KDM4B: variants seen among roughly 807,000 people sequenced by gnomAD.
The protein encoded by KDM4B is lysine demethylase 4B, also known as lysine-specific demethylase 4B.
In KDM4B, 32 loss-of-function variants were observed where a neutral mutation model predicts 125.2. That is an observed-to-expected ratio of 0.26 (90% CI 0.19 to 0.34). KDM4B has a LOEUF of 0.34. Ranked by LOEUF, KDM4B falls within the 10% of genes least tolerant of loss-of-function variation. The probability of loss-of-function intolerance (pLI) is 1.00; values close to 1 mark genes in which losing one functional copy is unlikely to be tolerated. For missense variants in KDM4B, 1,190 were observed against 1,577.7 expected (o/e 0.75, Z 4.16); for synonymous variants, 721 against 677.9 (o/e 1.06, Z -0.99).
intron 2 of KDM4B, among the ~76,000 whole-genome samples, chr19:5,025,912 T>TTC (rs1422274238): frequency 3.9e-5 from 6 of 152,056 alleles, no homozygotes; most frequent in African/African-American, 1.2e-4. Context: ...GAGACAGAGT[T>TTC]TCACTCGTTG....
intron 1 of KDM4B, among the ~76,000 whole-genome samples, 196 bp downstream of exon 1, chr19:4,969,426 G>T (rs1338917127): frequency 6.8e-6 from 1 of 147,668 alleles, no homozygotes; most frequent in Non-Finnish European, 1.5e-5. Context: ...CGGCCCGGGG[G>T]CGCCCGCTGG....
At chr19:5,137,583 C>G in intron 16 of KDM4B, 38 bp from the exon 17 acceptor site, 1 of 1,583,706 alleles carries the variant, frequency 6.3e-7, no homozygotes, top group Non-Finnish European at 8.6e-7. Context: ...GGAGCCTGCT[C>G]CGAGCCCTGC....
At chr19:5,119,459 C>G (rs1179152621) in intron 10 of KDM4B, among the ~76,000 whole-genome samples, 194 bp from the exon 11 acceptor site, 2 of 152,216 alleles carry the variant, frequency 1.3e-5, no homozygotes, top group Non-Finnish European at 2.9e-5. Context: ...CTCCTCCCAA[C>G]ACGGCTCCTG....
At chr19:5,011,096 C>A (rs1162514179) in intron 1 of KDM4B, among the ~76,000 whole-genome samples, 1 of 152,190 alleles carries the variant, frequency 6.6e-6, no homozygotes, top group Non-Finnish European at 1.5e-5. Context: ...GTCCTTTCTG[C>A]CCGCTCCCAT....
rs1568316372 is a variant in KDM4B, at chr19:5,131,302, C to T, written c.1542C>T (p.Pro514=). The T allele has an allele frequency of 6.2e-7, 1 of 1,612,264 alleles. No individual in the cohort carries two copies. Among genetic ancestry groups the T allele is most frequent in the Admixed American group, 1.7e-5 (1 of 59,982 alleles). ...APLNVVPPEV[P]SEELEAKPRP... ...TTAATGTCGTGCCCCCTGAGGTGCC[C>T]AGTGAGGAGCTAGAGGCCAAGCCTC... is the stretch of plus-strand genomic sequence containing the variant. The change falls in exon 12 of 23, where the codon CCC becomes CCT. Residue 514 remains proline, a synonymous_variant. Coordinates refer to ENST00000159111, the MANE Select transcript of KDM4B (RefSeq NM_015015.3).
In KDM4B at chr19:5,131,952, G is replaced by A. The variant is rs375952165; in HGVS notation, c.1851G>A (p.Arg617=). 24 of 1,612,074 alleles carry A rather than the reference G, an allele frequency of 1.5e-5. No homozygotes were observed. The highest frequency in any genetic ancestry group is 2.0e-5 in the Non-Finnish European group (24 of 1,179,632). ...AGAGCCGGCGCCATCCCCTGGGCCG[G>A]CCGCCCACCCGGTCCCCACTGTCGG... ...IKKSRRHPLG[R]PPTRSPLSVV... The change falls in exon 13 of 23, where the codon CGG becomes CGA. Residue 617 remains arginine, a synonymous_variant. Coordinates refer to ENST00000159111, the MANE Select transcript of KDM4B (RefSeq NM_015015.3).
At chr19:4,974,829 C>T (rs115202934) in intron 1 of KDM4B, among the ~76,000 whole-genome samples, 1,874 of 152,050 alleles carry the variant, frequency 0.012, 40 homozygotes, top group African/African-American at 0.042. Context: ...CTTCCGGTGA[C>T]TTCCTGTTGC....
At chr19:5,054,460 GAA>G (rs1186081163) in intron 6 of KDM4B, among the ~76,000 whole-genome samples, 2 of 91,300 alleles carry the variant, frequency 2.2e-5, no homozygotes, top group Non-Finnish European at 4.5e-5. Flanking sequence ...GAGAGAGAGA[GAA>G]TGTGTGTGTG....
chr19:4,984,690 T>TG (rs1244128566), intron 1 of KDM4B, among the ~76,000 whole-genome samples: 1 of 152,158 alleles, frequency 6.6e-6, no homozygotes, highest in Non-Finnish European at 1.5e-5. Flanking sequence ...CGGGAGGGCT[T>TG]GGGGTGTGTC....
intron 3 of KDM4B, among the ~76,000 whole-genome samples, chr19:5,038,106 C>T (rs563604075): frequency 6.5e-4 from 99 of 152,362 alleles, no homozygotes; most frequent in African/African-American, 1.9e-3. Flanking sequence ...TGCCAGATTC[C>T]TGGCAGATGA....
At chr19:5,060,538 T>C (rs1200500984) in intron 6 of KDM4B, among the ~76,000 whole-genome samples, 1 of 151,324 alleles carries the variant, frequency 6.6e-6, no homozygotes, top group Admixed American at 6.6e-5. Context: ...CTGTCGTTGT[T>C]CTCTCCTTTT....
At chr19:5,133,241 G>T (rs944071799) in intron 13 of KDM4B, among the ~76,000 whole-genome samples, 1 of 152,166 alleles carries the variant, frequency 6.6e-6, no homozygotes, top group South Asian at 2.1e-4. Flanking sequence ...GAGAGAGACC[G>T]CCGCGGCTTC....
chr19:5,150,503 G>GT, intron 22 of KDM4B, 53 bp downstream of exon 22: 1 of 1,336,768 alleles, frequency 7.5e-7, no homozygotes, highest in Non-Finnish European at 1.0e-6. Context: ...GAGCCCGTCT[G>GT]GGACGAGGCA....
At chr19:4,974,136 C>T (rs1599329975) in intron 1 of KDM4B, among the ~76,000 whole-genome samples, 1 of 151,168 alleles carries the variant, frequency 6.6e-6, no homozygotes, top group African/African-American at 2.4e-5. Flanking sequence ...CAGTGGCTCA[C>T]GCCTGTAAAG....
intron 11 of KDM4B, among the ~76,000 whole-genome samples, chr19:5,130,068 A>G (rs2620841): frequency 0.53 from 80,370 of 151,838 alleles, 21,679 homozygotes; most frequent in East Asian, 0.66. Flanking sequence ...CCTCAGCTCG[A>G]GTCCCTTCCT....
chr19:4,994,447 C>T (rs1599374799), intron 1 of KDM4B, among the ~76,000 whole-genome samples: 5 of 151,612 alleles, frequency 3.3e-5, no homozygotes, highest in African/African-American at 1.2e-4. Flanking sequence ...CCTGTAGTCC[C>T]AGCTACTCAG....
At chr19:5,111,326 C>T (rs1284888180) in intron 10 of KDM4B, 2 of 739,122 alleles carry the variant, frequency 2.7e-6, no homozygotes, top group Non-Finnish European at 5.0e-6. Context: ...GAGAGGATTT[C>T]AGAAGGCCGG....
chr19:5,005,691 G>A (rs2035534092), intron 1 of KDM4B, among the ~76,000 whole-genome samples: 1 of 152,152 alleles, frequency 6.6e-6, no homozygotes. Context: ...CAGGCCTTGG[G>A]GGACTGTGCT....
chr19:4,999,146 G>A (rs751701525), intron 1 of KDM4B, among the ~76,000 whole-genome samples: 12 of 152,086 alleles, frequency 7.9e-5, no homozygotes, highest in Non-Finnish European at 8.8e-5. Context: ...TTTCTTCTGC[G>A]TTTATTAGTT....
Sources: allele counts gnomAD v4.1 joint callset (sites outside exome capture counted in the v4.1 genomes callset), GRCh38; gene constraint gnomAD v4.1.1; transcripts MANE v1.5; gene names NCBI Gene and HGNC (gene_info 2026-07-23, HGNC 2026-07-21).